The following OTUD4 variants were observed in gnomAD, a reference collection of about 807,000 sequenced individuals.
OTUD4 encodes the protein OTU domain-containing protein 4.
In OTUD4, 24 loss-of-function variants were observed where a neutral mutation model predicts 130.4. The ratio of observed to expected loss-of-function variants is 0.18; its 90% confidence interval spans 0.13 to 0.26. OTUD4 has a LOEUF of 0.26. Among genes scored for constraint, OTUD4 ranks in the 10% least tolerant of loss-of-function variants. The pLI is 1.00. For missense variants in OTUD4, 1,031 were observed against 1,329.4 expected, an observed-to-expected ratio of 0.78 and a Z score of 3.49; for synonymous variants, 420 against 472.5, an observed-to-expected ratio of 0.89 and a Z score of 1.44.
chr4:145,169,017 G>A (rs1752021088), intron 3 of OTUD4, among the ~76,000 whole-genome samples: 1 of 152,210 alleles, frequency 6.6e-6, no homozygotes, highest in African/African-American at 2.4e-5. Flanking sequence ...ATTTCCAATA[G>A]GCTAAGTGAA....
chr4:145,175,455 T>G (rs1356928802), intron 1 of OTUD4, among the ~76,000 whole-genome samples: 1 of 152,238 alleles, frequency 6.6e-6, no homozygotes, highest in Non-Finnish European at 1.5e-5. Flanking sequence ...AGTTTACATT[T>G]TCTTCTATTA....
intron 5 of OTUD4, 102 bp downstream of exon 5, chr4:145,164,052 A>C: frequency 1.6e-6 from 1 of 627,022 alleles, no homozygotes; most frequent in South Asian, 1.8e-5. Context: ...TTAATACAGA[A>C]ATATTTCAAA....
chr4:145,168,259 G>A (rs6537332), intron 3 of OTUD4, among the ~76,000 whole-genome samples: 150,168 of 152,016 alleles, frequency 0.99, 74,195 homozygotes, highest in East Asian at 1. Flanking sequence ...CCAAGCTTGT[G>A]ATCCCAACTA....
At chr4:145,144,147 A>T in intron 15 of OTUD4, 146 bp from the exon 16 acceptor site, 1 of 1,022,012 alleles carries the variant, frequency 9.8e-7, no homozygotes, top group South Asian at 1.5e-5. Context: ...AATAGCACTT[A>T]ACATCCTTTA....
intron 1 of OTUD4, chr4:145,178,148 T>TA (rs1752515556): frequency 6.6e-6 from 1 of 152,218 alleles, no homozygotes; most frequent in Non-Finnish European, 1.5e-5. Flanking sequence ...AAAGAGTTCT[T>TA]AGTGTAAACT....
intron 1 of OTUD4, among the ~76,000 whole-genome samples, chr4:145,177,728 C>A (rs890428626): frequency 6.6e-6 from 1 of 152,142 alleles, no homozygotes; most frequent in African/African-American, 2.4e-5. Context: ...AAGGAAATGG[C>A]CTATCTAAAT....
At chr4:145,172,822 A>G (rs1453987438) in intron 2 of OTUD4, among the ~76,000 whole-genome samples, 1 of 152,104 alleles carries the variant, frequency 6.6e-6, no homozygotes, top group Admixed American at 6.5e-5. Flanking sequence ...TCTGTATTAG[A>G]TGATTATAGG....
At chr4:145,162,580 CA>C in intron 6 of OTUD4, 59 bp downstream of exon 6, 1 of 903,008 alleles carries the variant, frequency 1.1e-6, no homozygotes, top group Non-Finnish European at 1.7e-6. Context: ...AAACAAAAAA[CA>C]AAAAGACTGT....
intron 6 of OTUD4, 81 bp downstream of exon 6, chr4:145,162,559 A>C: frequency 1.3e-6 from 1 of 758,538 alleles, no homozygotes. Context: ...CTCAAAAAAA[A>C]ACAAAAAACA....
intron 2 of OTUD4, among the ~76,000 whole-genome samples, chr4:145,174,001 T>C (rs1174362646): frequency 6.7e-6 from 1 of 149,148 alleles, no homozygotes; most frequent in East Asian, 2.0e-4. Context: ...ACACTGCAAG[T>C]CTGAATTTTT....
chr4:145,145,495 T>C (rs1036340532), intron 14 of OTUD4, among the ~76,000 whole-genome samples: 4 of 152,182 alleles, frequency 2.6e-5, no homozygotes, highest in African/African-American at 9.7e-5. Context: ...TTTAATGTTT[T>C]ATACTGGTAT....
intron 1 of OTUD4, chr4:145,178,436 T>C (rs1752530513): frequency 6.6e-6 from 1 of 152,252 alleles, no homozygotes; most frequent in Non-Finnish European, 1.5e-5. Context: ...TTCCCTAGGC[T>C]TCTGGAGGTG....
At chr4:145,176,121 C>A (rs891482213) in intron 1 of OTUD4, among the ~76,000 whole-genome samples, 2 of 151,126 alleles carry the variant, frequency 1.3e-5, no homozygotes, top group African/African-American at 4.9e-5. Flanking sequence ...GTCTCAAACT[C>A]CTGACCTCAG....
chr4:145,140,959 A>G (rs1372436697), intron 19 of OTUD4, among the ~76,000 whole-genome samples: 1 of 151,994 alleles, frequency 6.6e-6, no homozygotes, highest in East Asian at 1.9e-4. Flanking sequence ...AGGTCGGGAG[A>G]TCGAGACCAT....
intron 18 of OTUD4, 124 bp downstream of exon 18, chr4:145,142,072 C>T: frequency 1.2e-6 from 1 of 800,204 alleles, no homozygotes; most frequent in Non-Finnish European, 2.1e-6. Context: ...CAGAGTATCA[C>T]AGAAAGCTCT....
chr4:145,166,937 CAA>C (rs1371276205), intron 3 of OTUD4, among the ~76,000 whole-genome samples: 1 of 152,058 alleles, frequency 6.6e-6, no homozygotes, highest in Non-Finnish European at 1.5e-5. Context: ...AAAAATCACT[CAA>C]GATTAAGTTT....
At chr4:145,158,713 AAGAC>A (rs997264548) in intron 7 of OTUD4, among the ~76,000 whole-genome samples, 1 of 152,192 alleles carries the variant, frequency 6.6e-6, no homozygotes, top group Non-Finnish European at 1.5e-5. Flanking sequence ...GTTCTTATAA[AAGAC>A]AGAGTAAACA....
Position 145,164,865 on chromosome 4 carries a change from T to C in OTUD4, c.341+286A>G, listed in dbSNP as rs542453243. 7.2e-5 allele frequency among the ~76,000 whole-genome samples: 11 copies of C among 152,292 alleles called. No homozygotes were observed. In the South Asian group the frequency reaches 2.1e-3, roughly 29 times the overall value. The stretch of plus-strand genomic sequence containing the variant: ...AGTGGCCATTCAATACCACTGACCC[T>C]GAGAAAGTAGAAAATCATTTCTCTA... On this transcript the variant is annotated intron_variant, in intron 4 of 20. Coordinates refer to ENST00000447906, the MANE Select transcript of OTUD4 (RefSeq NM_001366057.1).
intron 17 of OTUD4, among the ~76,000 whole-genome samples, chr4:145,142,662 C>CCCA (rs1750618927): frequency 6.6e-6 from 1 of 152,248 alleles, no homozygotes; most frequent in African/African-American, 2.4e-5. Context: ...GCTGGAATTA[C>CCCA]AGGCGTGAGC....
Sources: gnomAD v4.1 joint callset for allele counts (sites outside exome capture counted in the v4.1 genomes callset) on GRCh38, gnomAD v4.1.1 for gene constraint, MANE v1.5 for transcripts, NCBI Gene and HGNC (gene_info 2026-07-23, HGNC 2026-07-21) for gene names.